Variants in CLASP1 observed in about 807,000 individuals in gnomAD.
CLASP1 encodes CLIP-associating protein 1.
Under a neutral mutation model 192.3 loss-of-function variants are expected in CLASP1, and 38 were observed. The ratio of observed to expected loss-of-function variants is 0.20; its 90% CI spans 0.15 to 0.26. The LOEUF (loss-of-function observed/expected upper bound fraction) is 0.26, where lower values mean the gene tolerates loss of function less well. CLASP1 is among the 10% of genes least tolerant of loss of function. The probability of loss-of-function intolerance (pLI) is 1.00; values close to 1 mark genes in which losing one functional copy is unlikely to be tolerated. For missense variants in CLASP1, 1,433 were observed against 1,932.5 expected (o/e 0.74, Z 4.85); for synonymous variants, 691 against 712.8 (o/e 0.97, Z 0.49).
chr2:121,473,049 T>TA (rs1228458266), intron 8 of CLASP1, among the ~76,000 whole-genome samples: 1 of 151,802 alleles, frequency 6.6e-6, no homozygotes, highest in South Asian at 2.1e-4. Context: ...CAATATCTAA[T>TA]AAAAAATTCC....
At chr2:121,468,107 G>A (rs1301366330) in intron 9 of CLASP1, among the ~76,000 whole-genome samples, 2 of 152,114 alleles carry the variant, frequency 1.3e-5, no homozygotes, top group Non-Finnish European at 2.9e-5. Flanking sequence ...GTAGTCGTGG[G>A]TTCTTTATTT....
intron 23 of CLASP1, among the ~76,000 whole-genome samples, chr2:121,413,175 G>A (rs976141100): frequency 1.3e-5 from 2 of 152,076 alleles, no homozygotes; most frequent in Admixed American, 6.6e-5. Context: ...TGGGAGGATC[G>A]CTTGAGCCCA....
At position 121,536,176 on chromosome 2, in the gene CLASP1, T is replaced by G. The variant is rs542923677; in HGVS notation, c.196-5851A>C. Among the ~76,000 whole-genome samples, 29 of 150,616 alleles carry G rather than the reference T, an allele frequency of 1.9e-4. No homozygotes were observed. The East Asian group carries it at 5.4e-3, about 28-fold the overall frequency. On this transcript the variant is annotated intron_variant, in intron 2 of 39. Coordinates refer to ENST00000263710, the Ensembl canonical transcript of CLASP1. ...GTGGGCAGATCACGAAGTCAGGAGA[T>G]CGAGACCATCCTGGCTAACACAGTG...
chr2:121,598,071 A>G (rs1223078317), intron 2 of CLASP1, among the ~76,000 whole-genome samples: 1 of 152,250 alleles, frequency 6.6e-6, no homozygotes, highest in Non-Finnish European at 1.5e-5. Flanking sequence ...CAATGAGGAC[A>G]GCCATATTCA....
At chr2:121,569,613 G>A (rs2059807567) in intron 2 of CLASP1, among the ~76,000 whole-genome samples, 1 of 152,204 alleles carries the variant, frequency 6.6e-6, no homozygotes, top group Admixed American at 6.5e-5. Flanking sequence ...AGCACTTTGG[G>A]AGGCCAAGGA....
intron 7 of CLASP1, among the ~76,000 whole-genome samples, chr2:121,510,340 A>C (rs183797812): frequency 1.4e-4 from 21 of 152,364 alleles, no homozygotes; most frequent in African/African-American, 4.8e-4. Context: ...TTAATGAAAT[A>C]AGAACCTTGA....
intron 34 of CLASP1, among the ~76,000 whole-genome samples, chr2:121,375,360 G>GCTT (rs1282374348): frequency 7.4e-6 from 1 of 135,984 alleles, no homozygotes; most frequent in Non-Finnish European, 1.6e-5. Flanking sequence ...CCTAGTTTCT[G>GCTT]ATTTTTTTTT....
At chr2:121,380,541 T>C (rs1434624123) in intron 33 of CLASP1, among the ~76,000 whole-genome samples, 1 of 152,092 alleles carries the variant, frequency 6.6e-6, no homozygotes, top group African/African-American at 2.4e-5. Flanking sequence ...CGCTAAAGGA[T>C]CCATGTCGTG....
At chr2:121,559,982 T>C (rs2105291733) in intron 2 of CLASP1, among the ~76,000 whole-genome samples, 1 of 152,266 alleles carries the variant, frequency 6.6e-6, no homozygotes, top group African/African-American at 2.4e-5. Context: ...GAAACACTGA[T>C]GAAATCCAAA....
At chr2:121,462,537 C>T (rs1476849631) in exon 10 of CLASP1, 2 of 1,547,714 alleles carry the variant, frequency 1.3e-6, no homozygotes, top group Non-Finnish European at 8.9e-7. Flanking sequence ...CTGACCTGTA[C>T]TACAGGTACA....
intron 8 of CLASP1, among the ~76,000 whole-genome samples, chr2:121,478,669 A>C (rs2092000936): frequency 1.1e-5 from 1 of 94,324 alleles, no homozygotes; most frequent in Non-Finnish European, 2.2e-5. Flanking sequence ...CACCCCCCAC[A>C]CACACCACAC....
intron 6 of CLASP1, among the ~76,000 whole-genome samples, chr2:121,518,923 A>G (rs1311975619): frequency 6.6e-6 from 1 of 152,194 alleles, no homozygotes; most frequent in East Asian, 1.9e-4. Flanking sequence ...GAAGTAGTCA[A>G]TGCTACTATA....
chr2:121,418,819 G>A, intron 22 of CLASP1, 90 bp from the exon 23 acceptor site: 1 of 948,974 alleles, frequency 1.1e-6, no homozygotes, highest in African/African-American at 1.6e-5. Flanking sequence ...TTTGGTTAAT[G>A]TAATTACGAC....
intron 2 of CLASP1, among the ~76,000 whole-genome samples, chr2:121,599,987 T>G (rs988834426): frequency 2.4e-4 from 36 of 152,064 alleles, no homozygotes; most frequent in Admixed American, 1.8e-3. Context: ...CTAATCCCTT[T>G]AATCTAAAAT....
At chr2:121,436,808 C>A (rs1363986931) in intron 19 of CLASP1, among the ~76,000 whole-genome samples, 1 of 152,162 alleles carries the variant, frequency 6.6e-6, no homozygotes, top group Non-Finnish European at 1.5e-5. Context: ...TCCCATTAGA[C>A]ATGTTAAATT....
intron 2 of CLASP1, among the ~76,000 whole-genome samples, chr2:121,535,598 A>C (rs970462721): frequency 6.6e-6 from 1 of 152,202 alleles, no homozygotes; most frequent in South Asian, 2.1e-4. Context: ...ATGGAATTTA[A>C]AAAGAAGAAA....
intron 1 of CLASP1, among the ~76,000 whole-genome samples, chr2:121,627,808 A>T (rs1024112067): frequency 9.8e-5 from 15 of 152,344 alleles, no homozygotes; most frequent in Middle Eastern, 3.4e-3. Flanking sequence ...GACAATTTAG[A>T]TCTTATTATG....
At chr2:121,392,978 C>A (rs2074638835) in intron 30 of CLASP1, among the ~76,000 whole-genome samples, 1 of 152,182 alleles carries the variant, frequency 6.6e-6, no homozygotes, top group African/African-American at 2.4e-5. Flanking sequence ...AATTTAAGCA[C>A]CCCTCCCTCC....
intron 2 of CLASP1, among the ~76,000 whole-genome samples, chr2:121,586,810 C>G (rs2061761967): frequency 6.6e-6 from 1 of 152,166 alleles, no homozygotes; most frequent in Non-Finnish European, 1.5e-5. Flanking sequence ...ACACTTAGCC[C>G]CCATGCAGTA....
Sources: allele counts gnomAD v4.1 joint callset (sites outside exome capture counted in the v4.1 genomes callset), GRCh38; gene constraint gnomAD v4.1.1; transcripts MANE v1.5; gene names NCBI Gene and HGNC (gene_info 2026-07-23, HGNC 2026-07-21).